The following RASSF3 variants were observed in gnomAD, a reference collection of about 807,000 sequenced individuals.
RASSF3 encodes ras association domain-containing protein 3.
A neutral mutation model predicts 19.9 loss-of-function variants in RASSF3; 19 were observed. The observed-to-expected ratio is 0.96, with a 90% CI of 0.67 to 1.40. RASSF3 has a LOEUF of 1.40. Ranked by LOEUF, RASSF3 falls within the 40% of genes most tolerant of loss-of-function variation. RASSF3 has a pLI of 0.00. For missense variants in RASSF3, 306 were observed against 289.8 expected (o/e 1.06, Z -0.41); for synonymous variants, 110 against 104.2 (o/e 1.06, Z -0.34).
upstream of RASSF3, among the ~76,000 whole-genome samples, chr12:64,608,359 C>T (rs902351317): frequency 2.6e-5 from 4 of 152,110 alleles, no homozygotes; most frequent in Non-Finnish European, 5.9e-5. Context: ...TTGCTCTTGT[C>T]GCCCAGACTG....
At chr12:64,577,308 G>A (rs1420084827) in intron 2 of RASSF3, among the ~76,000 whole-genome samples, 1 of 152,146 alleles carries the variant, frequency 6.6e-6, no homozygotes, top group Non-Finnish European at 1.5e-5. Flanking sequence ...TTTGAGGCTG[G>A]GAGAAATTCC....
chr12:64,604,549 A>G (rs954781506), intron 2 of RASSF3, among the ~76,000 whole-genome samples: 61 of 152,296 alleles, frequency 4.0e-4, no homozygotes, highest in African/African-American at 1.4e-3. Flanking sequence ...TGCAGCCAAT[A>G]GGCACTGACC....
At position 64,696,471 on chromosome 12, in the gene RASSF3, C is replaced by A. The variant is rs1868367944; in HGVS notation, c.*1559C>A. ...AAGGTGTGCAGTGGTTCCAGAGGGGCCTTATATTCTATTTTTAGTCTAGAT... is the reference window on the plus strand; with the variant it reads ...AAGGTGTGCAGTGGTTCCAGAGGGGACTTATATTCTATTTTTAGTCTAGAT... On this transcript the variant is annotated 3_prime_UTR_variant, in exon 5 of 5. Transcript: ENST00000542104. The A allele has an allele frequency of 6.6e-6, 1 of 152,096 alleles. No individual in the cohort carries two copies. The highest frequency in any genetic ancestry group is 2.4e-5 in the African/African-American group (1 of 41,410). The allele number at this position is 152,096 out of a possible 1,614,324, so 9.4% of individuals were successfully genotyped here.
chr12:64,588,282 C>A (rs1869850428), intron 2 of RASSF3, among the ~76,000 whole-genome samples: 1 of 152,190 alleles, frequency 6.6e-6, no homozygotes, highest in Non-Finnish European at 1.5e-5. Context: ...GTCAACTGTA[C>A]ATTTTGTAGG....
intron 2 of RASSF3, among the ~76,000 whole-genome samples, chr12:64,568,540 T>C (rs1234605454): frequency 6.6e-6 from 1 of 152,148 alleles, no homozygotes; most frequent in Non-Finnish European, 1.5e-5. Context: ...CAATTCCTTC[T>C]TCCCCTTCCT....
At chr12:64,538,388 C>T (rs960353408) in intron 1 of RASSF3, among the ~76,000 whole-genome samples, 27 of 152,186 alleles carry the variant, frequency 1.8e-4, no homozygotes, top group African/African-American at 5.6e-4. Context: ...AATGCCCTGT[C>T]TCCAAATACA....
At chr12:64,522,606 G>A (rs907397810) in intron 1 of RASSF3, among the ~76,000 whole-genome samples, 8 of 152,062 alleles carry the variant, frequency 5.3e-5, no homozygotes, top group South Asian at 4.1e-4. Flanking sequence ...ATGATCTGCC[G>A]CCTTAGATTT....
chr12:64,580,172 A>G (rs1869668265), intron 2 of RASSF3, among the ~76,000 whole-genome samples: 1 of 151,136 alleles, frequency 6.6e-6, no homozygotes, highest in East Asian at 1.9e-4. Flanking sequence ...AGAATCACAA[A>G]CTCTCAAGTT....
chr12:64,686,767 C>T lies in RASSF3; in HGVS notation c.220-1449C>T, dbSNP rs528132312. On this transcript the variant is annotated intron_variant, in intron 2 of 4. Transcript: ENST00000542104. Reference sequence around the variant, plus strand: ...ACTTGAACTCAGGAAGTTGAGGCTGCAGTGAGCTGTGTTCGTGCCACTGCA... The same window carrying T: ...ACTTGAACTCAGGAAGTTGAGGCTGTAGTGAGCTGTGTTCGTGCCACTGCA... Among the ~76,000 whole-genome samples, 11 of 152,282 alleles carry T rather than the reference C, an allele frequency of 7.2e-5. No individual in the cohort carries two copies. In the East Asian group the frequency reaches 2.1e-3, roughly 29 times the overall value.
chr12:64,609,845 G>A (rs1386022135), upstream of RASSF3, among the ~76,000 whole-genome samples: 3 of 152,252 alleles, frequency 2.0e-5, no homozygotes, highest in African/African-American at 7.2e-5. Context: ...TTATTTGGAA[G>A]TGAGCCCTCG....
At chr12:64,633,816 G>T (rs1871241618) in intron 1 of RASSF3, among the ~76,000 whole-genome samples, 1 of 152,206 alleles carries the variant, frequency 6.6e-6, no homozygotes, top group South Asian at 2.1e-4. Context: ...ACTTCTTAGA[G>T]ACTGATTAAA....
At chr12:64,635,797 G>A (rs527247860) in intron 1 of RASSF3, among the ~76,000 whole-genome samples, 1 of 152,276 alleles carries the variant, frequency 6.6e-6, no homozygotes, top group Admixed American at 6.5e-5. Context: ...AGCCTGGGCT[G>A]TGAGGGTCAA....
chr12:64,628,793 G>A (rs1592430455), intron 1 of RASSF3, among the ~76,000 whole-genome samples: 2 of 152,130 alleles, frequency 1.3e-5, no homozygotes, highest in Admixed American at 1.3e-4. Context: ...CACTACACCC[G>A]GCCTGATTAA....
upstream of RASSF3, among the ~76,000 whole-genome samples, chr12:64,609,891 AAATG>A (rs2136151345): frequency 6.6e-6 from 1 of 152,370 alleles, no homozygotes; most frequent in African/African-American, 2.4e-5. Flanking sequence ...ACCGAAGCTC[AAATG>A]AATGACCAGA....
intron 2 of RASSF3, among the ~76,000 whole-genome samples, chr12:64,602,135 T>C (rs905656691): frequency 6.7e-6 from 1 of 148,412 alleles, no homozygotes; most frequent in Admixed American, 6.8e-5. Flanking sequence ...AAAAAAAAAT[T>C]AAGAAATATT....
intron 1 of RASSF3, among the ~76,000 whole-genome samples, chr12:64,616,378 C>T (rs915192835): frequency 2.0e-5 from 3 of 152,198 alleles, no homozygotes; most frequent in African/African-American, 4.8e-5. Flanking sequence ...GCATGTCATA[C>T]GGTTAACATT....
At chr12:64,660,087 T>C (rs1448106874) in intron 1 of RASSF3, among the ~76,000 whole-genome samples, 5 of 151,782 alleles carry the variant, frequency 3.3e-5, no homozygotes, top group African/African-American at 7.3e-5. Context: ...TATATATATA[T>C]ACACATACAC....
upstream of RASSF3, chr12:64,506,977 CTCTT>C (rs899051252): frequency 1.6e-5 from 6 of 379,832 alleles, no homozygotes; most frequent in African/African-American, 4.1e-5. Flanking sequence ...AAGCTTAAAA[CTCTT>C]TCTTTAGAAA....
chr12:64,550,523 G>A (rs887892732), intron 2 of RASSF3, among the ~76,000 whole-genome samples: 2 of 151,316 alleles, frequency 1.3e-5, no homozygotes, highest in African/African-American at 4.9e-5. Context: ...AAATTAGCCA[G>A]GTGTGGTGGT....
Sources: gnomAD v4.1 joint callset for allele counts (sites outside exome capture counted in the v4.1 genomes callset) on GRCh38, gnomAD v4.1.1 for gene constraint, MANE v1.5 for transcripts, NCBI Gene and HGNC (gene_info 2026-07-23, HGNC 2026-07-21) for gene names.